The following FGD1 variants were observed in gnomAD, a reference collection of about 807,000 sequenced individuals.
FGD1 encodes the protein FYVE, RhoGEF and PH domain-containing protein 1.
FGD1 carries 12 observed loss-of-function variants against 65.0 expected under a neutral mutation model. The observed-to-expected ratio is 0.18, with a 90% CI of 0.12 to 0.30. The LOEUF is 0.30. Among genes scored for constraint, FGD1 ranks in the 10% least tolerant of loss-of-function variants. The pLI, the probability that FGD1 is intolerant of heterozygous loss-of-function variation, is 1.00. For missense variants in FGD1, 542 were observed against 837.6 expected (o/e 0.65, Z 4.36); for synonymous variants, 333 against 343.9 (o/e 0.97, Z 0.35).
rs1320534958 is a variant in FGD1, at chrX:54,468,865, C to G, written c.1113G>C (p.Gln371His). ...ERQESVELTVQQKVFHIANEL... is the reference protein window; with the variant it reads ...ERQESVELTVHQKVFHIANEL... ...CATTGGCAATGTGAAACACCTTTTG[C>G]TGCACAGTCAACTGGAAAGGAGAAA... The change falls in exon 5 of 18, where the codon CAG becomes CAC. Residue 371 changes from glutamine (Q) to histidine (H), a missense_variant. Gln to His is a conservative substitution (Grantham distance 24). This residue lies in a region of FGD1 where 297 missense variants were observed against 326.8 expected (regional missense o/e 0.91). Transcript: ENST00000375135. 1.4e-5 allele frequency: 17 copies of G among 1,196,617 alleles called. No individual in the cohort carries two copies. Among genetic ancestry groups the G allele is most frequent in the Admixed American group, 1.1e-4 (5 of 45,519 alleles).
chrX:54,460,558 C>A (rs772052623), intron 8 of FGD1, among the ~76,000 whole-genome samples: 85 of 111,696 alleles, frequency 7.6e-4, no homozygotes, highest in Non-Finnish European at 1.3e-3. Context: ...CTGGCCAACA[C>A]GGTGAAACAC....
chrX:54,446,524 C>G (rs2147419659), intron 17 of FGD1, 110 bp from the exon 18 acceptor site: 1 of 714,246 alleles, frequency 1.4e-6, no homozygotes, highest in Non-Finnish European at 2.1e-6. Flanking sequence ...TACTCAGGAA[C>G]TCCCCTACTC....
intron 8 of FGD1, among the ~76,000 whole-genome samples, chrX:54,458,063 T>C (rs1191899997): frequency 8.9e-6 from 1 of 112,138 alleles, no homozygotes; most frequent in African/African-American, 3.2e-5. Context: ...CTCACGGAGA[T>C]CTATGGCCCC....
chrX:54,486,063 G>A (rs1223909747), intron 1 of FGD1, among the ~76,000 whole-genome samples: 2 of 110,265 alleles, frequency 1.8e-5, no homozygotes, highest in African/African-American at 6.6e-5. Context: ...GTGAGCCACC[G>A]TGCCCGGCAA....
chrX:54,454,666 A>G (rs995680390), intron 12 of FGD1, among the ~76,000 whole-genome samples: 4 of 108,568 alleles, frequency 3.7e-5, no homozygotes, highest in African/African-American at 1.3e-4. Context: ...AAAAAAAAAG[A>G]AAAGGTAGAG....
At position 54,449,144 on chromosome X, in the gene FGD1, T is replaced by C. The variant is rs1922316398; in HGVS notation, c.2273A>G (p.His758Arg). 1 of 1,210,779 alleles carries C rather than the reference T, an allele frequency of 8.3e-7. No individual in the cohort carries two copies. The highest frequency in any genetic ancestry group is 1.7e-5 in the African/African-American group (1 of 57,461). ...CTGCCCCTGCCTCCCAACACTCACA[T>C]GCCCGCAGGCCTTGCAGTGGTGCCT... ...KRRHHCKACG[H>R]VVCGKCSEFR... The change falls in exon 15 of 18, where the codon CAT becomes CGT. Residue 758 changes from histidine (H) to arginine (R), a missense_variant and splice_region_variant. By Grantham distance (29) the His-to-Arg change is conservative. Transcript: ENST00000375135.
At chrX:54,490,209 G>T (rs981778087) in intron 1 of FGD1, among the ~76,000 whole-genome samples, 3 of 111,281 alleles carry the variant, frequency 2.7e-5, no homozygotes, top group Non-Finnish European at 5.6e-5. Flanking sequence ...GGAGGGTAAG[G>T]ATCGAAAAAC....
intron 1 of FGD1, among the ~76,000 whole-genome samples, chrX:54,487,939 C>T (rs1483458581): frequency 1.1e-5 from 1 of 92,308 alleles, no homozygotes. Context: ...GACAGAGTGA[C>T]ACGCCGTCTG....
chrX:54,485,035 G>A (rs1923238456), intron 1 of FGD1, among the ~76,000 whole-genome samples: 2 of 113,136 alleles, frequency 1.8e-5, no homozygotes, highest in Non-Finnish European at 3.7e-5. Context: ...GGCCTGAAAG[G>A]GCCAAGAGCG....
In FGD1 at chrX:54,464,110, C is replaced by T. The variant is rs1410596820; in HGVS notation, c.1636+1341G>A. Among the ~76,000 whole-genome samples the T allele has an allele frequency of 2.8e-5, 3 of 105,513 alleles. No individual in the cohort carries two copies. In the East Asian group the frequency reaches 8.9e-4, roughly 31 times the overall value. 91.6% of individuals were successfully genotyped at this position (105,513 alleles called of 115,157 possible). On this transcript the variant is annotated intron_variant, in intron 8 of 17. Transcript: ENST00000375135. Reference sequence around the variant, plus strand: ...CCGAGTAGCTGGAATTACAGGCACCCACCACCACGCCCAGCTCTTTTTTTT... The same window carrying T: ...CCGAGTAGCTGGAATTACAGGCACCTACCACCACGCCCAGCTCTTTTTTTT...
At chrX:54,446,955 C>G (rs1006880776) in intron 17 of FGD1, among the ~76,000 whole-genome samples, 6 of 110,765 alleles carry the variant, frequency 5.4e-5, no homozygotes, top group Non-Finnish European at 9.4e-5. Context: ...AACTCCTGAT[C>G]TCAGGTGAGC....
intron 1 of FGD1, among the ~76,000 whole-genome samples, chrX:54,487,908 C>T (rs1426275703): frequency 9.1e-6 from 1 of 109,604 alleles, no homozygotes; most frequent in Non-Finnish European, 1.9e-5. Context: ...CGAGATCATG[C>T]CACTGCACTC....
Position 54,495,444 on chromosome X carries a change from G to A in FGD1, c.-12C>T. ...CGGTGGCCATGCATGGTCCGGGCCT[G>A]GGCGCGGGGCCCGAGCTCCCCGCTT... On this transcript the variant is annotated 5_prime_UTR_variant, in exon 1 of 18. Transcript: ENST00000375135. The A allele has an allele frequency of 5.1e-6, 5 of 971,181 alleles. No individual in the cohort carries two copies. The highest frequency in any genetic ancestry group is 6.4e-6 in the Non-Finnish European group (5 of 778,138). 80.0% of individuals were successfully genotyped at this position (971,181 alleles called of 1,213,427 possible).
In FGD1 at chrX:54,495,158, G is replaced by C. The variant is rs1213196287; in HGVS notation, c.275C>G (p.Ser92Cys). 7 of 1,186,228 alleles carry C rather than the reference G, an allele frequency of 5.9e-6. No individual in the cohort carries two copies. The highest frequency in any genetic ancestry group is 7.9e-6 in the Non-Finnish European group (7 of 884,073). The change falls in exon 1 of 18, where the codon TCT becomes TGT. Residue 92 changes from serine to cysteine, a missense_variant. Coordinates refer to ENST00000375135, the MANE Select transcript of FGD1 (RefSeq NM_004463.3). ...AGGCTGCGAGCCCTCCAGGTGGTAA[G>C]AGAAGCGCAGGGCCCGGTGGTGCTG... Reference protein sequence around the residue: ...SPQHHRALRFSYHLEGSQPRP... With the variant: ...SPQHHRALRFCYHLEGSQPRP...
chrX:54,484,132 C>G (rs1015658272), intron 1 of FGD1, among the ~76,000 whole-genome samples: 3 of 112,204 alleles, frequency 2.7e-5, no homozygotes, highest in Non-Finnish European at 5.6e-5. Context: ...GTCTGTTCCT[C>G]GAAAGTGCTC....
intron 8 of FGD1, among the ~76,000 whole-genome samples, chrX:54,457,184 G>A (rs1049040726): frequency 9.0e-6 from 1 of 111,526 alleles, no homozygotes; most frequent in African/African-American, 3.3e-5. Flanking sequence ...TACCCATGTT[G>A]TCTCTGGTTG....
intron 1 of FGD1, among the ~76,000 whole-genome samples, chrX:54,477,834 G>T (rs931947691): frequency 1.6e-4 from 18 of 111,789 alleles, no homozygotes; most frequent in African/African-American, 5.9e-4. Flanking sequence ...AAAATGACTT[G>T]TTGGGCCAGG....
Position 54,455,739 on chromosome X carries a change from C to G in FGD1, c.1888G>C (p.Gly630Arg). The G allele has an allele frequency of 8.4e-7, 1 of 1,190,159 alleles. No individual in the cohort carries two copies. The highest frequency in any genetic ancestry group is 1.1e-6 in the Non-Finnish European group (1 of 883,471). The change falls in exon 11 of 18, where the codon GGC becomes CGC. Residue 630 changes from glycine (G) to arginine (R), a missense_variant. Gly to Arg is a moderately radical substitution (Grantham distance 125). Transcript: ENST00000375135. ...LYCVPRLRLL[G>R]QKFSVRARID... ...CGTGCCCGCACGCTAAACTTCTGGC[C>G]AAGGAGCCGCAGCCTGGGCACGCAG...
At position 54,470,088 on chromosome X, in the gene FGD1, G is replaced by A. The variant is rs374074159; in HGVS notation, c.1029C>T (p.Asp343=). 6 of 1,207,591 alleles carry A rather than the reference G, an allele frequency of 5.0e-6. No homozygotes were observed. Among genetic ancestry groups the A allele is most frequent in the African/African-American group, 3.5e-5 (2 of 56,822 alleles). Residue 343 remains aspartate, a synonymous_variant, in exon 4 of 18, where the codon GAC becomes GAT. Coordinates refer to ENST00000375135, the MANE Select transcript of FGD1 (RefSeq NM_004463.3). ...CCTTCTCTTCCTCCTCCTCCTCGTC[G>A]TCCTCCTCCTCCAGGTCACTGTCAA... ...QEVDSDLEEE[D]DEEEEEEKDR...
Sources: gnomAD v4.1 joint callset for allele counts (sites outside exome capture counted in the v4.1 genomes callset) on GRCh38, gnomAD v4.1.1 for gene constraint, gnomAD v4.1.1 regional missense constraint, MANE v1.5 for transcripts, NCBI Gene and HGNC (gene_info 2026-07-23, HGNC 2026-07-21) for gene names.